Variants in TRIM16 observed in about 807,000 individuals in gnomAD.
TRIM16 encodes the protein tripartite motif-containing protein 16.
TRIM16 carries 33 observed loss-of-function variants against 50.4 expected under a neutral mutation model. That is an observed-to-expected ratio of 0.65 (90% CI 0.50 to 0.88). TRIM16 has a LOEUF of 0.88. Ranked by LOEUF, TRIM16 falls within the 40% of genes least tolerant of loss-of-function variation. The pLI, the probability that TRIM16 is intolerant of heterozygous loss-of-function variation, is 0.00. For missense variants in TRIM16, 581 were observed against 686.8 expected (o/e 0.85, Z 1.72); for synonymous variants, 229 against 270.7 (o/e 0.85, Z 1.51).
At position 15,638,300 on chromosome 17, in the gene TRIM16, C is replaced by T. The variant is rs1474163770; in HGVS notation, c.616-2031G>A. ...AAGAATTGGTGTAGACAGCCGGGTG[C>T]GGTGGCTCATGCCTGTAATCTCAGC... is the stretch of plus-strand genomic sequence containing the variant. On this transcript the variant is annotated intron_variant, in intron 8 of 11. Transcript: ENST00000649191. 2.1e-5 allele frequency among the ~76,000 whole-genome samples: 3 copies of T among 143,154 alleles called. 1 individual carries two copies. Among genetic ancestry groups the T allele is most frequent in the East Asian group, 4.1e-4 (2 of 4,820 alleles). The allele number at this position is 143,154 out of a possible 152,430, so 93.9% of individuals were successfully genotyped here.
At chr17:15,636,746 GTC>G (rs1230642249) in intron 8 of TRIM16, among the ~76,000 whole-genome samples, 1 of 146,426 alleles carries the variant, frequency 6.8e-6, no homozygotes, top group African/African-American at 2.6e-5. Context: ...AGATGATACT[GTC>G]TCTACCACAT....
intron 6 of TRIM16, among the ~76,000 whole-genome samples, chr17:15,668,541 C>T (rs1400494632): frequency 6.6e-6 from 1 of 152,184 alleles, no homozygotes; most frequent in African/African-American, 2.4e-5. Context: ...TGTGCTCCAG[C>T]GTCATTCCCC....
At chr17:15,659,490 G>GC (rs1363384311) in intron 6 of TRIM16, among the ~76,000 whole-genome samples, 1 of 152,062 alleles carries the variant, frequency 6.6e-6, no homozygotes, top group African/African-American at 2.4e-5. Context: ...AGACACAAGG[G>GC]CGTGACATTT....
chr17:15,640,876 C>T (rs1987083929), intron 8 of TRIM16, among the ~76,000 whole-genome samples: 1 of 148,680 alleles, frequency 6.7e-6, no homozygotes, highest in Admixed American at 6.7e-5. Flanking sequence ...CTGCCCGCTC[C>T]CGATGACCTC....
rs529832460 is a variant in TRIM16 at position 15,639,045 on chromosome 17, CTTTTTTTTTTTTT to C, written c.616-2789_616-2777del. On this transcript the variant is annotated intron_variant, in intron 8 of 11. Coordinates refer to ENST00000649191, the MANE Select transcript of TRIM16 (RefSeq NM_001348119.1). Reference sequence around the variant, plus strand: ...GACAATCTCCCTACATTCTCTCTCTCTTTTTTTTTTTTTTTTTTTTTTTTTTTAGACAAGGTCT... The same window carrying C: ...GACAATCTCCCTACATTCTCTCTCTCTTTTTTTTTTTTTTAGACAAGGTCT... Among the ~76,000 whole-genome samples, 8 of 100,914 alleles carry C rather than the reference CTTTTTTTTTTTTT, an allele frequency of 7.9e-5. 1 individual carries two copies. The highest frequency in any genetic ancestry group is 1.5e-4 in the Non-Finnish European group (8 of 55,120). 66.2% of individuals were successfully genotyped at this position (100,914 alleles called of 152,430 possible).
chr17:15,666,002 G>A (rs1988482317), intron 6 of TRIM16, among the ~76,000 whole-genome samples: 1 of 151,934 alleles, frequency 6.6e-6, no homozygotes, highest in South Asian at 2.1e-4. Context: ...CAGAAACCCA[G>A]GGAGCATCCC....
intron 11 of TRIM16, among the ~76,000 whole-genome samples, chr17:15,630,606 T>G (rs1986364813): frequency 1.3e-5 from 2 of 152,296 alleles, no homozygotes; most frequent in South Asian, 4.1e-4. Flanking sequence ...GCCAATAGTT[T>G]GAGACCAGCC....
chr17:15,659,757 ATTG>A lies in TRIM16; in HGVS notation c.-337-7814_-337-7812del, dbSNP rs1346568317. 1.6e-4 allele frequency among the ~76,000 whole-genome samples: 25 copies of A among 152,322 alleles called. No individual in the cohort carries two copies. In the East Asian group the frequency reaches 3.7e-3, roughly 22 times the overall value. ...CCGGCTCCCCTGAGGCCCTGAGCCA[ATTG>A]TTGTTTCAGCACTGCTGGTTTTCTA... On this transcript the variant is annotated intron_variant, in intron 6 of 11. Coordinates refer to ENST00000649191, the MANE Select transcript of TRIM16 (RefSeq NM_001348119.1).
At chr17:15,641,199 AAT>A (rs1987101180) in intron 8 of TRIM16, among the ~76,000 whole-genome samples, 1 of 148,156 alleles carries the variant, frequency 6.7e-6, no homozygotes, top group Non-Finnish European at 1.5e-5. Context: ...ATGTAAATGT[AAT>A]GTGCAAAGGG....
rs192421802 is a variant in TRIM16 at position 15,671,684 on chromosome 17, C to G, written c.-338+5492G>C. 1.2e-3 allele frequency among the ~76,000 whole-genome samples: 176 copies of G among 152,078 alleles called. 1 individual carries two copies. The highest frequency in any genetic ancestry group is 4.2e-3 in the African/African-American group (175 of 41,474). On this transcript the variant is annotated intron_variant, in intron 6 of 11. Coordinates refer to ENST00000649191, the MANE Select transcript of TRIM16 (RefSeq NM_001348119.1). The stretch of plus-strand genomic sequence containing the variant: ...AAGCCCTAAACAAAGATAGGTTTCC[C>G]TCATCATGATGATAATGATGTTAAA...
At position 15,630,285 on chromosome 17, in the gene TRIM16, G is replaced by A. The variant is rs141680312; in HGVS notation, c.1112-1087C>T. On this transcript the variant is annotated intron_variant, in intron 11 of 11. Coordinates refer to ENST00000649191, the MANE Select transcript of TRIM16 (RefSeq NM_001348119.1). The stretch of plus-strand genomic sequence containing the variant: ...GCTACAACTGAGAGTTCATGTCCTC[G>A]AAGAGGCCCTTTGTGACTCTAACTC... 1.9e-3 allele frequency among the ~76,000 whole-genome samples: 293 copies of A among 152,050 alleles called. 2 individuals are homozygous for A. Among genetic ancestry groups the A allele is most frequent in the African/African-American group, 6.7e-3 (279 of 41,486 alleles).
At chr17:15,676,232 G>A (rs1426014173) in intron 6 of TRIM16, among the ~76,000 whole-genome samples, 1 of 152,104 alleles carries the variant, frequency 6.6e-6, no homozygotes, top group East Asian at 1.9e-4. Flanking sequence ...TTCAGACGTT[G>A]CCAAATGTCC....
At chr17:15,643,864 G>A (rs1440492147) in intron 7 of TRIM16, among the ~76,000 whole-genome samples, 2 of 152,166 alleles carry the variant, frequency 1.3e-5, no homozygotes, top group African/African-American at 4.8e-5. Context: ...TTTTTACTTA[G>A]CAGTTGAGAC....
intron 5 of TRIM16, 61 bp downstream of exon 5, chr17:15,677,514 A>C: frequency 9.8e-7 from 1 of 1,016,724 alleles, no homozygotes; most frequent in African/African-American, 1.7e-5. Flanking sequence ...GAAGCAAGGG[A>C]ATCTTTAGAA....
At chr17:15,671,786 G>T (rs954823169) in intron 6 of TRIM16, among the ~76,000 whole-genome samples, 1 of 152,074 alleles carries the variant, frequency 6.6e-6, no homozygotes, top group African/African-American at 2.4e-5. Context: ...ATGTTTCATA[G>T]GCATATGTGA....
chr17:15,662,817 G>A (rs1988300979), intron 6 of TRIM16, among the ~76,000 whole-genome samples: 1 of 152,176 alleles, frequency 6.6e-6, no homozygotes, highest in African/African-American at 2.4e-5. Flanking sequence ...CTGATATATA[G>A]TGGAGTCAGA....
rs1986690707 is a variant in TRIM16, at chr17:15,635,502, ACTC to A, written c.849+531_849+533del. 1.4e-5 allele frequency among the ~76,000 whole-genome samples: 2 copies of A among 142,302 alleles called. 1 individual carries two copies. The highest frequency in any genetic ancestry group is 3.1e-5 in the Non-Finnish European group (2 of 65,352). The allele number at this position is 142,302 out of a possible 152,430, so 93.4% of individuals were successfully genotyped here. ...TTGCTCTTCTGAGCCCTCCTCAATT[ACTC>A]CAGCCACAGCCCTCTCTGAAAAGCA... On this transcript the variant is annotated intron_variant, in intron 9 of 11. Transcript: ENST00000649191.
intron 6 of TRIM16, among the ~76,000 whole-genome samples, chr17:15,662,542 G>A (rs1242377951): frequency 6.6e-5 from 10 of 152,098 alleles, no homozygotes; most frequent in Non-Finnish European, 1.0e-4. Context: ...AGTTGGACCC[G>A]CAGAACATGC....
chr17:15,676,384 A>G (rs1382207959), intron 6 of TRIM16, among the ~76,000 whole-genome samples: 1 of 151,504 alleles, frequency 6.6e-6, no homozygotes, highest in Non-Finnish European at 1.5e-5. Context: ...CAGGGAAGAG[A>G]ACTTCCATTC....
Sources: gnomAD v4.1 joint callset for allele counts (sites outside exome capture counted in the v4.1 genomes callset) on GRCh38, gnomAD v4.1.1 for gene constraint, MANE v1.5 for transcripts, NCBI Gene and HGNC (gene_info 2026-07-23, HGNC 2026-07-21) for gene names.